The following WWC2 variants were observed in gnomAD, a reference collection of about 807,000 sequenced individuals.
WWC2 encodes the protein protein WWC2.
A neutral mutation model predicts 138.5 loss-of-function variants in WWC2; 101 were observed. That is an observed-to-expected ratio of 0.73 (90% CI 0.62 to 0.86). WWC2 has a LOEUF of 0.86. Among genes scored for constraint, WWC2 ranks in the 40% least tolerant of loss-of-function variants. The probability of loss-of-function intolerance (pLI) is 0.00; values close to 1 mark genes in which losing one functional copy is unlikely to be tolerated. For missense variants in WWC2, 1,420 were observed against 1,419.4 expected (o/e 1.00, Z -0.01); for synonymous variants, 558 against 538.4 (o/e 1.04, Z -0.50).
At chr4:183,297,983 A>G (rs1738695275) in intron 21 of WWC2, among the ~76,000 whole-genome samples, 1 of 152,250 alleles carries the variant, frequency 6.6e-6, no homozygotes, top group Admixed American at 6.5e-5. Context: ...GAAGGGACAT[A>G]AGGGGAGACA....
chr4:183,112,528 A>C (rs1732267100), intron 1 of WWC2, among the ~76,000 whole-genome samples: 1 of 152,262 alleles, frequency 6.6e-6, no homozygotes, highest in African/African-American at 2.4e-5. Flanking sequence ...CCACCTAGTC[A>C]TTCACTCAGT....
chr4:183,201,318 T>C (rs568004665), intron 2 of WWC2, among the ~76,000 whole-genome samples: 10 of 152,364 alleles, frequency 6.6e-5, no homozygotes, highest in Admixed American at 2.0e-4. Flanking sequence ...ATCTTCTGCA[T>C]ATTTAAATAT....
chr4:183,308,571 A>G (rs1021427074), intron 21 of WWC2, among the ~76,000 whole-genome samples: 2 of 152,180 alleles, frequency 1.3e-5, no homozygotes, highest in African/African-American at 4.8e-5. Flanking sequence ...ATATACAGTC[A>G]TCCTTCAACA....
intron 1 of WWC2, among the ~76,000 whole-genome samples, chr4:183,155,479 G>A (rs1023173834): frequency 2.0e-5 from 3 of 152,146 alleles, no homozygotes; most frequent in African/African-American, 4.8e-5. Flanking sequence ...GGAGTGTGAC[G>A]TGGAAGGGGT....
chr4:183,295,010 G>A (rs1738589219), intron 21 of WWC2, among the ~76,000 whole-genome samples: 1 of 152,086 alleles, frequency 6.6e-6, no homozygotes, highest in African/African-American at 2.4e-5. Flanking sequence ...TGATGTTTGA[G>A]GCACACATGT....
chr4:183,175,724 G>C (rs932773605), intron 1 of WWC2, among the ~76,000 whole-genome samples: 1 of 152,100 alleles, frequency 6.6e-6, no homozygotes, highest in Non-Finnish European at 1.5e-5. Context: ...AACAGAGCTA[G>C]CACCTATAGA....
At chr4:183,129,688 G>T (rs1225694900) in intron 1 of WWC2, among the ~76,000 whole-genome samples, 2 of 152,180 alleles carry the variant, frequency 1.3e-5, no homozygotes, top group Non-Finnish European at 2.9e-5. Flanking sequence ...GAATCGATTT[G>T]TACCAACCCA....
rs1739483914 is a variant in WWC2, at chr4:183,317,613, T to C, written c.*1884T>C. 6.5e-6 allele frequency: 1 copy of C among 152,680 alleles called. No homozygotes were observed. The highest frequency in any genetic ancestry group is 2.4e-5 in the African/African-American group (1 of 41,476). 9.5% of individuals were successfully genotyped at this position (152,680 alleles called of 1,614,324 possible). ...GACCATGAAAATGTCTATAGAATTATGTGTAGTTGTTCCGTACGATTTTAT... is the reference window on the plus strand; with the variant it reads ...GACCATGAAAATGTCTATAGAATTACGTGTAGTTGTTCCGTACGATTTTAT... On this transcript the variant is annotated 3_prime_UTR_variant, in exon 23 of 23. Coordinates refer to ENST00000403733, the MANE Select transcript of WWC2 (RefSeq NM_024949.6).
rs565986898 is a variant in WWC2, at chr4:183,112,992, G to A, written c.131+13370G>A. On this transcript the variant is annotated intron_variant, in intron 1 of 22. Transcript: ENST00000403733. ...AAAATTAAGTTAGAAATTTAGTTCC[G>A]CCGGGCACGGTGGCTCATGCGTGTA... Among the ~76,000 whole-genome samples, 6 of 152,226 alleles carry A rather than the reference G, an allele frequency of 3.9e-5. No homozygotes were observed. In the East Asian group the frequency reaches 9.7e-4, roughly 25 times the overall value.
At chr4:183,267,055 G>T (rs796145877) in intron 14 of WWC2, among the ~76,000 whole-genome samples, 1 of 151,540 alleles carries the variant, frequency 6.6e-6, no homozygotes, top group Non-Finnish European at 1.5e-5. Flanking sequence ...TTAAGAGATG[G>T]GGTCTCACTG....
chr4:183,153,455 G>A (rs1224386922), intron 1 of WWC2, among the ~76,000 whole-genome samples: 1 of 152,052 alleles, frequency 6.6e-6, no homozygotes, highest in African/African-American at 2.4e-5. Context: ...GATTTAATTT[G>A]TGTTTACTTC....
chr4:183,277,175 C>G (rs1357090724), intron 16 of WWC2, among the ~76,000 whole-genome samples: 2 of 145,726 alleles, frequency 1.4e-5, no homozygotes, highest in Non-Finnish European at 3.0e-5. Context: ...ATTCCTCTTC[C>G]TGTGTCCGTG....
At chr4:183,247,160 C>T (rs1436476223) in intron 6 of WWC2, among the ~76,000 whole-genome samples, 4 of 151,978 alleles carry the variant, frequency 2.6e-5, no homozygotes, top group Admixed American at 6.6e-5. Context: ...TTGTGTGTAC[C>T]TATAGATACA....
intron 20 of WWC2, 135 bp from the exon 21 acceptor site, chr4:183,289,258 G>C: frequency 7.5e-7 from 1 of 1,330,384 alleles, no homozygotes; most frequent in East Asian, 2.5e-5. Context: ...GCCAGAGCGA[G>C]TTGCTCCTGC....
At chr4:183,205,539 A>G (rs1735424949) in intron 2 of WWC2, among the ~76,000 whole-genome samples, 1 of 152,144 alleles carries the variant, frequency 6.6e-6, no homozygotes, top group Non-Finnish European at 1.5e-5. Flanking sequence ...AGTGGATGCT[A>G]GACATTATAA....
intron 2 of WWC2, among the ~76,000 whole-genome samples, chr4:183,198,374 A>G (rs765787428): frequency 3.9e-5 from 6 of 152,142 alleles, no homozygotes; most frequent in Non-Finnish European, 8.8e-5. Flanking sequence ...ATGCACATAT[A>G]CACAGTTTCT....
chr4:183,308,973 CA>C (rs1739115614), intron 21 of WWC2, among the ~76,000 whole-genome samples: 2 of 151,816 alleles, frequency 1.3e-5, no homozygotes, highest in Admixed American at 6.6e-5. Context: ...GAAAATAAAT[CA>C]AAAAAAGATC....
chr4:183,164,329 A>ATATATACATATATATAT (rs1734059072), intron 1 of WWC2, among the ~76,000 whole-genome samples: 3 of 838 alleles, frequency 3.6e-3, no homozygotes, highest in African/African-American at 6.2e-3. Flanking sequence ...ACATATATAT[A>ATATATACATATATATAT]TATATATACA....
rs551046598 is a variant in WWC2 at position 183,209,239 on chromosome 4, T to TTTTG, written c.522+234_522+237dup. Among the ~76,000 whole-genome samples the TTTTG allele has an allele frequency of 1.1e-4, 16 of 152,136 alleles. No homozygotes were observed. The East Asian group carries it at 1.2e-3, about 11-fold the overall frequency. ...CAATGTGTTCCACTATTGGGTAGTGTTTTGTTTGTTTGTTTGTTTGTTTTT... is the reference window on the plus strand; with the variant it reads ...CAATGTGTTCCACTATTGGGTAGTGTTTTGTTTGTTTGTTTGTTTGTTTGTTTTT... On this transcript the variant is annotated intron_variant, in intron 4 of 22. Coordinates refer to ENST00000403733, the MANE Select transcript of WWC2 (RefSeq NM_024949.6).
Sources: gnomAD v4.1 joint callset for allele counts (sites outside exome capture counted in the v4.1 genomes callset) on GRCh38, gnomAD v4.1.1 for gene constraint, MANE v1.5 for transcripts, NCBI Gene and HGNC (gene_info 2026-07-23, HGNC 2026-07-21) for gene names.